NFIA: variants seen among roughly 807,000 people sequenced by gnomAD.
NFIA encodes nuclear factor I A.
A neutral mutation model predicts 62.8 loss-of-function variants in NFIA; 8 were observed. The observed-to-expected ratio is 0.13, with a 90% CI of 0.07 to 0.23. The LOEUF is 0.23. Among genes scored for constraint, NFIA ranks in the 10% least tolerant of loss-of-function variants. The probability of loss-of-function intolerance (pLI) is 1.00; values close to 1 mark genes in which losing one functional copy is unlikely to be tolerated. For synonymous variants in NFIA, 235 were observed against 238.1 expected (o/e 0.99, Z 0.12); for missense variants, 410 against 642.1 (o/e 0.64, Z 3.91).
At chr1:61,082,027 T>C (rs1335922267), upstream of NFIA, 1 of 1,548,920 alleles carries the variant, frequency 6.5e-7, no homozygotes, top group East Asian at 2.4e-5. Flanking sequence ...CCTGGCAAAG[T>C]TGCCCAAGTC....
chr1:61,164,072 G>A (rs1649402209), intron 2 of NFIA, among the ~76,000 whole-genome samples: 1 of 152,184 alleles, frequency 6.6e-6, no homozygotes, highest in South Asian at 2.1e-4. Context: ...AAAAATTTTA[G>A]TTTAACAGTG....
At chr1:61,248,148 A>G (rs770706534) in intron 2 of NFIA, among the ~76,000 whole-genome samples, 10 of 152,172 alleles carry the variant, frequency 6.6e-5, no homozygotes, top group South Asian at 2.1e-4. Flanking sequence ...AAGGTCCTCA[A>G]CTAGCTCACC....
At chr1:61,373,678 G>A (rs911247119) in intron 6 of NFIA, among the ~76,000 whole-genome samples, 2 of 152,082 alleles carry the variant, frequency 1.3e-5, no homozygotes, top group Admixed American at 1.3e-4. Flanking sequence ...ATTCATAAGG[G>A]TGTTAACCAA....
At chr1:61,341,188 C>G (rs534961830) in intron 4 of NFIA, among the ~76,000 whole-genome samples, 2 of 151,354 alleles carry the variant, frequency 1.3e-5, no homozygotes, top group African/African-American at 4.9e-5. Flanking sequence ...CTCCGCCTGC[C>G]GAGTAGCCGG....
chr1:61,215,133 A>G (rs1202345441), intron 2 of NFIA, among the ~76,000 whole-genome samples: 1 of 152,300 alleles, frequency 6.6e-6, no homozygotes, highest in African/African-American at 2.4e-5. Flanking sequence ...AAATTTTATC[A>G]TTGCTTTAAA....
At chr1:61,426,878 T>C (rs1242769382) in intron 10 of NFIA, among the ~76,000 whole-genome samples, 1 of 152,110 alleles carries the variant, frequency 6.6e-6, no homozygotes, top group Non-Finnish European at 1.5e-5. Context: ...AGCAGGCCCC[T>C]ACAGAACCTG....
intron 10 of NFIA, among the ~76,000 whole-genome samples, chr1:61,440,841 C>G (rs1557441209): frequency 6.6e-6 from 1 of 152,116 alleles, no homozygotes; most frequent in Non-Finnish European, 1.5e-5. Context: ...GTACCATTTT[C>G]AAATCCATTT....
intron 7 of NFIA, among the ~76,000 whole-genome samples, chr1:61,395,657 T>A (rs745509655): frequency 6.6e-6 from 1 of 152,214 alleles, no homozygotes; most frequent in Non-Finnish European, 1.5e-5. Context: ...TTTCCAATAA[T>A]CACAGCTGTT....
At chr1:61,332,319 C>T (rs553508374) in intron 3 of NFIA, among the ~76,000 whole-genome samples, 193 bp from the exon 4 acceptor site, 1 of 152,250 alleles carries the variant, frequency 6.6e-6, no homozygotes, top group Non-Finnish European at 1.5e-5. Flanking sequence ...TAGCTTTGCA[C>T]AACCTTGAAA....
intron 2 of NFIA, among the ~76,000 whole-genome samples, chr1:61,198,446 C>T (rs967797091): frequency 6.6e-6 from 1 of 152,148 alleles, no homozygotes; most frequent in African/African-American, 2.4e-5. Context: ...ACAGAGAGAG[C>T]ACCCCCTGCA....
At chr1:61,115,678 C>A (rs1646782038) in intron 2 of NFIA, among the ~76,000 whole-genome samples, 1 of 152,226 alleles carries the variant, frequency 6.6e-6, no homozygotes, top group African/African-American at 2.4e-5. Flanking sequence ...TCAGCAAGCA[C>A]CCGTGCTTTA....
intron 3 of NFIA, among the ~76,000 whole-genome samples, chr1:61,307,742 C>T (rs1395198211): frequency 6.6e-6 from 1 of 152,204 alleles, no homozygotes; most frequent in Non-Finnish European, 1.5e-5. Flanking sequence ...GACAGCTAAA[C>T]TTTCATGAAT....
At chr1:61,139,634 G>A (rs1647349263) in intron 2 of NFIA, among the ~76,000 whole-genome samples, 1 of 152,138 alleles carries the variant, frequency 6.6e-6, no homozygotes, top group Admixed American at 6.5e-5. Context: ...AGTCACTGGT[G>A]CCTGCTGTGG....
rs186977714 is a variant in NFIA, at chr1:61,107,524, A to G, written c.559+18844A>G. ...TTCATTTTTTTCTATTTTATTGCTT[A>G]TTGTTTACTTATTGGTTTGTAGGAG... On this transcript the variant is annotated intron_variant, in intron 2 of 10. Coordinates refer to ENST00000403491, the MANE Select transcript of NFIA (RefSeq NM_001134673.4). 1.3e-3 allele frequency among the ~76,000 whole-genome samples: 194 copies of G among 151,212 alleles called. 1 individual carries two copies. The highest frequency in any genetic ancestry group is 4.4e-3 in the African/African-American group (182 of 41,350).
chr1:61,407,818 C>T (rs542795546), intron 9 of NFIA, among the ~76,000 whole-genome samples: 4 of 152,118 alleles, frequency 2.6e-5, no homozygotes, highest in Non-Finnish European at 4.4e-5. Flanking sequence ...TAGAATGGAA[C>T]GGGACATGGT....
chr1:61,177,030 TG>T (rs1650417725), intron 2 of NFIA, among the ~76,000 whole-genome samples: 3 of 151,470 alleles, frequency 2.0e-5, no homozygotes, highest in Non-Finnish European at 2.9e-5. Context: ...AGCGTGAACC[TG>T]GGAGGCAGAG....
At chr1:61,236,740 T>C (rs1655037173) in intron 2 of NFIA, among the ~76,000 whole-genome samples, 1 of 152,166 alleles carries the variant, frequency 6.6e-6, no homozygotes. Context: ...GGTATTAACG[T>C]GTGAAGGACA....
At chr1:61,148,712 G>C (rs1453324648) in intron 2 of NFIA, among the ~76,000 whole-genome samples, 1 of 152,342 alleles carries the variant, frequency 6.6e-6, no homozygotes, top group East Asian at 1.9e-4. Flanking sequence ...AACTGAAACA[G>C]AAGTTAAGTT....
chr1:61,303,556 T>TGG (rs1659598448), intron 3 of NFIA, among the ~76,000 whole-genome samples: 1 of 152,144 alleles, frequency 6.6e-6, no homozygotes, highest in African/African-American at 2.4e-5. Flanking sequence ...CAGATTTCCT[T>TGG]GGGGAAGACT....
Sources: allele counts gnomAD v4.1 joint callset (sites outside exome capture counted in the v4.1 genomes callset), GRCh38; gene constraint gnomAD v4.1.1; transcripts MANE v1.5; gene names NCBI Gene and HGNC (gene_info 2026-07-23, HGNC 2026-07-21).